The following ANXA4 variants were observed in gnomAD, a reference collection of about 807,000 sequenced individuals.
The protein encoded by ANXA4 is annexin A4.
A neutral mutation model predicts 49.8 loss-of-function variants in ANXA4; 39 were observed. The observed-to-expected ratio is 0.78, with a 90% CI of 0.61 to 1.02. ANXA4 has a LOEUF of 1.02. Among genes scored for constraint, ANXA4 ranks in the 50% least tolerant of loss-of-function variants. The pLI, the probability that ANXA4 is intolerant of heterozygous loss-of-function variation, is 0.00. For synonymous variants in ANXA4, 134 were observed against 152.5 expected (o/e 0.88, Z 0.89); for missense variants, 360 against 410.1 (o/e 0.88, Z 1.05).
chr2:69,666,005 C>G (rs1676918624), intron 2 of ANXA4, among the ~76,000 whole-genome samples: 1 of 152,136 alleles, frequency 6.6e-6, no homozygotes, highest in Non-Finnish European at 1.5e-5. Flanking sequence ...GAGTTCAAGA[C>G]CAGCCTGGGC....
chr2:69,716,995 A>T (rs368450926), intron 2 of ANXA4, among the ~76,000 whole-genome samples: 146 of 152,282 alleles, frequency 9.6e-4, no homozygotes, highest in African/African-American at 3.3e-3. Flanking sequence ...CACTGTGGCA[A>T]GACAAAACAG....
At chr2:69,663,748 A>G (rs1676826232) in intron 2 of ANXA4, among the ~76,000 whole-genome samples, 1 of 152,230 alleles carries the variant, frequency 6.6e-6, no homozygotes, top group Non-Finnish European at 1.5e-5. Context: ...GATAGCAAAA[A>G]TGAAAAACTC....
intron 3 of ANXA4, among the ~76,000 whole-genome samples, chr2:69,729,576 A>G (rs868710751): frequency 6.6e-6 from 1 of 152,174 alleles, no homozygotes; most frequent in Non-Finnish European, 1.5e-5. Context: ...ACATCCTCCA[A>G]TGCCAGGACA....
chr2:69,784,298 A>G (rs1043654032), intron 2 of ANXA4, among the ~76,000 whole-genome samples: 24 of 152,178 alleles, frequency 1.6e-4, no homozygotes, highest in Admixed American at 8.5e-4. Flanking sequence ...GATAAACGGA[A>G]CCACCCTTGC....
intron 1 of ANXA4, among the ~76,000 whole-genome samples, chr2:69,779,790 C>T (rs1274857709): frequency 6.6e-6 from 1 of 152,208 alleles, no homozygotes; most frequent in African/African-American, 2.4e-5. Flanking sequence ...AACCTTGTTT[C>T]TGAGCCTTCC....
chr2:69,795,130 T>C (rs900242455), intron 3 of ANXA4, among the ~76,000 whole-genome samples: 2 of 152,162 alleles, frequency 1.3e-5, no homozygotes, highest in African/African-American at 4.8e-5. Flanking sequence ...CCTTCCTTGA[T>C]TGGGGCATAG....
At chr2:69,703,840 G>A (rs13417512) in intron 2 of ANXA4, among the ~76,000 whole-genome samples, 6 of 152,144 alleles carry the variant, frequency 3.9e-5, no homozygotes, top group African/African-American at 1.4e-4. Flanking sequence ...TTATTTTAGT[G>A]ATGGAGTCTT....
intron 5 of ANXA4, among the ~76,000 whole-genome samples, chr2:69,806,869 A>T (rs1405519482): frequency 1.3e-5 from 2 of 152,148 alleles, no homozygotes; most frequent in African/African-American, 4.8e-5. Flanking sequence ...GAGGGAGAGG[A>T]TCAGGAAAAA....
chr2:69,745,108 GAA>G (rs903488079), intron 1 of ANXA4, among the ~76,000 whole-genome samples: 3 of 150,714 alleles, frequency 2.0e-5, no homozygotes, highest in African/African-American at 7.3e-5. Flanking sequence ...TAAATAAAAA[GAA>G]AAAAAAATAA....
intron 3 of ANXA4, among the ~76,000 whole-genome samples, chr2:69,804,082 G>C: frequency 6.8e-6 from 1 of 147,346 alleles, no homozygotes; most frequent in South Asian, 2.1e-4. Flanking sequence ...AGGTTGCAGT[G>C]AGCTGAGATC....
At chr2:69,685,070 T>A (rs1677739251) in intron 2 of ANXA4, among the ~76,000 whole-genome samples, 1 of 152,042 alleles carries the variant, frequency 6.6e-6, no homozygotes, top group South Asian at 2.1e-4. Flanking sequence ...AGAAGACTGG[T>A]AACAGTGGAG....
chr2:69,688,067 G>A (rs890414026), intron 2 of ANXA4, among the ~76,000 whole-genome samples: 4 of 152,122 alleles, frequency 2.6e-5, no homozygotes, highest in African/African-American at 9.7e-5. Context: ...ATTTGAGCTT[G>A]CTCAAGTCAG....
chr2:69,652,587 G>A lies in ANXA4; in HGVS notation n.482-411G>A, dbSNP rs114917718. 5.4e-3 allele frequency among the ~76,000 whole-genome samples: 818 copies of A among 152,194 alleles called. 7 individuals are homozygous for A. Among genetic ancestry groups the A allele is most frequent in the African/African-American group, 0.019 (789 of 41,528 alleles). ...AAAGAATTGAACTAAGGCTGGGCGC[G>A]GTGGCTCATACCTGTAATCCCAGCA... On this transcript the variant is annotated intron_variant and non_coding_transcript_variant, in intron 1 of 3. Transcript: ENST00000418066.
chr2:69,813,015 T>C (rs13011127), intron 8 of ANXA4, among the ~76,000 whole-genome samples: 34,982 of 151,998 alleles, frequency 0.23, 4,337 homozygotes, highest in East Asian at 0.39. Flanking sequence ...CTGTGCACTT[T>C]TACTTCATCA....
chr2:69,784,455 A>C (rs1392222660), intron 2 of ANXA4, among the ~76,000 whole-genome samples: 1 of 152,252 alleles, frequency 6.6e-6, no homozygotes, highest in East Asian at 1.9e-4. Context: ...GAACCTTGTG[A>C]AACATTCAAC....
intron 2 of ANXA4, chr2:69,674,316 C>T (rs1477194782): frequency 1.3e-5 from 2 of 152,168 alleles, no homozygotes; most frequent in South Asian, 4.1e-4. Context: ...TGGGCTCTCC[C>T]ACAATGAAAA....
intron 3 of ANXA4, among the ~76,000 whole-genome samples, chr2:69,721,535 C>T (rs1362497457): frequency 6.6e-6 from 1 of 151,576 alleles, no homozygotes; most frequent in Non-Finnish European, 1.5e-5. Context: ...CCTGTCTCTA[C>T]AAAAAAAATT....
chr2:69,706,769 C>G (rs994198129), intron 2 of ANXA4, among the ~76,000 whole-genome samples: 1 of 152,200 alleles, frequency 6.6e-6, no homozygotes, highest in African/African-American at 2.4e-5. Flanking sequence ...TGTCTAGCTT[C>G]TTTCACTTAG....
At chr2:69,665,924 GC>G (rs1385195139) in intron 2 of ANXA4, among the ~76,000 whole-genome samples, 1 of 152,156 alleles carries the variant, frequency 6.6e-6, no homozygotes, top group Non-Finnish European at 1.5e-5. Flanking sequence ...ATGCACAAGG[GC>G]CAGGCATGGT....
Sources: allele counts gnomAD v4.1 joint callset (sites outside exome capture counted in the v4.1 genomes callset), GRCh38; gene constraint gnomAD v4.1.1; transcripts MANE v1.5; gene names NCBI Gene and HGNC (gene_info 2026-07-23, HGNC 2026-07-21).